Variants in MROH9 observed in about 807,000 individuals in gnomAD.
MROH9 encodes maestro heat like repeat family member 9.
Under a neutral mutation model 98.2 loss-of-function variants are expected in MROH9, and 92 were observed. That is an observed-to-expected ratio of 0.94 (90% CI 0.79 to 1.11). The LOEUF is 1.11. MROH9 is among the 50% of genes most tolerant of loss of function. MROH9 has a pLI of 0.00. For missense variants in MROH9, 1,057 were observed against 1,014.8 expected (o/e 1.04, Z -0.57); for synonymous variants, 397 against 368.9 (o/e 1.08, Z -0.87).
Position 170,959,503 on chromosome 1 carries a change from T to A in MROH9, c.194T>A (p.Ile65Lys). ...CTGCAGTTTGAATCTCAGTTGAAGA[T>A]AATAGAGTCATCCTTTGGAATGCTA... ...PLLQFESQLKIIESSFGMLVV... is the reference protein window; with the variant it reads ...PLLQFESQLKKIESSFGMLVV... The change falls in exon 5 of 22, where the codon ATA (isoleucine) becomes AAA (lysine). Residue 65 changes from isoleucine (I) to lysine (K), a missense_variant. By Grantham distance (102) the Ile-to-Lys change is moderately radical. Transcript: ENST00000367759. 2 of 1,613,550 alleles carry A rather than the reference T, an allele frequency of 1.2e-6. No individual in the cohort carries two copies. Among genetic ancestry groups the A allele is most frequent in the Non-Finnish European group, 1.7e-6 (2 of 1,179,726 alleles).
At chr1:170,988,110 T>C (rs1651218794) in intron 10 of MROH9, among the ~76,000 whole-genome samples, 1 of 152,124 alleles carries the variant, frequency 6.6e-6, no homozygotes, top group South Asian at 2.1e-4. Context: ...TGTTTAAAAG[T>C]TCAAGGTGAT....
At chr1:170,950,866 G>C (rs1649525068) in intron 3 of MROH9, among the ~76,000 whole-genome samples, 1 of 151,970 alleles carries the variant, frequency 6.6e-6, no homozygotes, top group Admixed American at 6.6e-5. Context: ...ATGCATGTTT[G>C]TAAATGTCCC....
intron 15 of MROH9, among the ~76,000 whole-genome samples, chr1:171,013,805 A>G (rs1178096452): frequency 6.6e-6 from 1 of 151,942 alleles, no homozygotes; most frequent in African/African-American, 2.4e-5. Flanking sequence ...ACCTGACTAC[A>G]ATCAGTATGA....
At chr1:171,018,533 A>G (rs72710573) in intron 17 of MROH9, among the ~76,000 whole-genome samples, 14,033 of 152,284 alleles carry the variant, frequency 0.092, 754 homozygotes, top group Middle Eastern at 0.17. Context: ...CAGCAAGGAC[A>G]TAGAACTGGA....
chr1:170,947,097 T>A (rs918262110), intron 2 of MROH9, among the ~76,000 whole-genome samples: 3 of 151,998 alleles, frequency 2.0e-5, no homozygotes, highest in Non-Finnish European at 4.4e-5. Context: ...GGTACTGACT[T>A]TTTTATCTAT....
intron 3 of MROH9, among the ~76,000 whole-genome samples, chr1:170,956,277 T>C (rs950276650): frequency 6.6e-6 from 1 of 152,190 alleles, no homozygotes; most frequent in Non-Finnish European, 1.5e-5. Flanking sequence ...TCTTTTTGCT[T>C]AGCCTTGCTT....
At chr1:170,961,031 C>G (rs1649996459) in intron 5 of MROH9, among the ~76,000 whole-genome samples, 1 of 151,496 alleles carries the variant, frequency 6.6e-6, no homozygotes, top group Non-Finnish European at 1.5e-5. Context: ...TTTCAAATCA[C>G]AAAGGCATAA....
chr1:170,971,807 C>A lies in MROH9; in HGVS notation c.540C>A (p.Ser180=). ...CAGCAGAGCTGTCTCTTTTGTGTTC[C>A]CATGAAGATCCCTCGATTGTAAAAC... The part of the protein sequence containing the change: ...LLAAELSLLC[S]HEDPSIVKQA... Residue 180 remains serine, a synonymous_variant, in exon 8 of 22, where the codon TCC becomes TCA. Transcript: ENST00000367759. 1 of 1,614,056 alleles carries A rather than the reference C, an allele frequency of 6.2e-7. No homozygotes were observed. Among genetic ancestry groups the A allele is most frequent in the Non-Finnish European group, 8.5e-7 (1 of 1,179,948 alleles).
intron 19 of MROH9, 65 bp from the exon 20 acceptor site, chr1:171,025,253 C>T (rs1313157608): frequency 9.8e-7 from 1 of 1,023,934 alleles, no homozygotes; most frequent in African/African-American, 1.6e-5. Context: ...TGAAGCCTTT[C>T]TGGAGGGAGC....
At chr1:170,970,729 T>TGAGAGAGAGAGA (rs1336944318) in intron 7 of MROH9, among the ~76,000 whole-genome samples, 133 of 102,100 alleles carry the variant, frequency 1.3e-3, no homozygotes, top group African/African-American at 4.2e-3. Flanking sequence ...TGTGTGTGTG[T>TGAGAGAGAGAGA]GTGAGAGAGA....
rs917318261 is a variant in MROH9 at position 171,064,021 on chromosome 1, G to T, written c.2345-78G>T. ...AGAAGGGGGCACTCTGTGAAAGGTG[G>T]CAGGGCTGTTTAGTATTAAAGCTTC... On this transcript the variant is annotated intron_variant, in intron 21 of 21. Transcript: ENST00000367759. 3.6e-6 allele frequency: 5 copies of T among 1,381,612 alleles called. No homozygotes were observed. In the African/African-American group the frequency reaches 5.9e-5, roughly 16 times the overall value. The allele number at this position is 1,381,612 out of a possible 1,614,324, so 85.6% of individuals were successfully genotyped here.
At chr1:170,971,990 C>T (rs1163492698) in intron 8 of MROH9, 107 bp downstream of exon 8, 2 of 1,174,054 alleles carry the variant, frequency 1.7e-6, no homozygotes, top group South Asian at 1.6e-5. Flanking sequence ...CTAAATCCTG[C>T]CCCAAGAGTC....
chr1:171,001,867 T>C (rs1314753473), intron 15 of MROH9, among the ~76,000 whole-genome samples: 1 of 152,170 alleles, frequency 6.6e-6, no homozygotes, highest in Admixed American at 6.5e-5. Context: ...ATTGTGTTGC[T>C]GTCTATCTCA....
chr1:171,026,372 T>G (rs936281116), intron 20 of MROH9, among the ~76,000 whole-genome samples: 4 of 151,960 alleles, frequency 2.6e-5, no homozygotes, highest in African/African-American at 9.7e-5. Flanking sequence ...CCTCCCAGGT[T>G]CAAGCGACTC....
intron 20 of MROH9, among the ~76,000 whole-genome samples, chr1:171,055,338 A>G (rs917202802): frequency 2.6e-5 from 4 of 152,110 alleles, no homozygotes; most frequent in African/African-American, 9.7e-5. Context: ...GAATGATACA[A>G]TGGGCCAGGT....
chr1:171,023,797 C>T (rs1448916220), intron 17 of MROH9, among the ~76,000 whole-genome samples: 2 of 11,738 alleles, frequency 1.7e-4, no homozygotes, highest in Non-Finnish European at 1.2e-4. Flanking sequence ...TTTAAGTATA[C>T]ATTACATTAA....
chr1:170,967,201 A>G (rs1404793556), intron 7 of MROH9, among the ~76,000 whole-genome samples: 4 of 152,174 alleles, frequency 2.6e-5, no homozygotes, highest in Non-Finnish European at 5.9e-5. Context: ...GAGAAACCCA[A>G]CGGAATAACC....
At chr1:170,986,776 T>G in intron 10 of MROH9, 66 bp downstream of exon 10, 1 of 1,483,652 alleles carries the variant, frequency 6.7e-7, no homozygotes, top group Non-Finnish European at 9.2e-7. Flanking sequence ...TTTGCCTGTG[T>G]TGTATGTCCA....
intron 17 of MROH9, among the ~76,000 whole-genome samples, chr1:171,020,615 A>C (rs1450855598): frequency 2.6e-5 from 4 of 152,228 alleles, no homozygotes; most frequent in Non-Finnish European, 4.4e-5. Flanking sequence ...AACATATTTC[A>C]AAATAATAAG....
Sources: gnomAD v4.1 joint callset for allele counts (sites outside exome capture counted in the v4.1 genomes callset) on GRCh38, gnomAD v4.1.1 for gene constraint, MANE v1.5 for transcripts, NCBI Gene and HGNC (gene_info 2026-07-23, HGNC 2026-07-21) for gene names.